Variants in PARN observed in about 807,000 individuals in gnomAD.
The protein encoded by PARN is poly(A)-specific ribonuclease PARN.
In PARN, 71 loss-of-function variants were observed where a neutral mutation model predicts 102.8. The ratio of observed to expected loss-of-function variants is 0.69; its 90% CI spans 0.57 to 0.84. The LOEUF (loss-of-function observed/expected upper bound fraction) is 0.84, where lower values mean the gene tolerates loss of function less well. PARN is among the 40% of genes least tolerant of loss of function. The pLI is 0.00. For missense variants in PARN, 782 were observed against 760.9 expected (o/e 1.03, Z -0.33); for synonymous variants, 261 against 252.9 (o/e 1.03, Z -0.30).
chr16:14,551,573 C>T (rs924966551), intron 21 of PARN, among the ~76,000 whole-genome samples: 2 of 151,940 alleles, frequency 1.3e-5, no homozygotes, highest in African/African-American at 4.8e-5. Flanking sequence ...TGTCTCAAAA[C>T]AACAACAACA....
In PARN at chr16:14,515,408, G is replaced by A. The variant is rs147924247; in HGVS notation, c.1481-32581C>T. Among the ~76,000 whole-genome samples, 6 of 152,278 alleles carry A rather than the reference G, an allele frequency of 3.9e-5. No homozygotes were observed. The East Asian group carries it at 1.2e-3, about 29-fold the overall frequency. On this transcript the variant is annotated intron_variant, in intron 21 of 23. Transcript: ENST00000437198. ...AACTGACCTTAAACATATGTAGATG[G>A]AAATATTTTATTGTCAATTTAATGT...
intron 6 of PARN, among the ~76,000 whole-genome samples, chr16:14,615,659 A>T: frequency 6.6e-6 from 1 of 152,088 alleles, no homozygotes; most frequent in Non-Finnish European, 1.5e-5. Context: ...CCAGCACTTT[A>T]AGAGGCAAAG....
chr16:14,507,589 T>A (rs1274907023), intron 21 of PARN, among the ~76,000 whole-genome samples: 4 of 151,758 alleles, frequency 2.6e-5, no homozygotes, highest in African/African-American at 9.7e-5. Context: ...CTCGGGAGGC[T>A]GAGGCGCAAG....
At chr16:14,498,673 T>C (rs1964439604) in intron 21 of PARN, among the ~76,000 whole-genome samples, 1 of 152,100 alleles carries the variant, frequency 6.6e-6, no homozygotes, top group Admixed American at 6.5e-5. Flanking sequence ...GTGCTTCCCA[T>C]CCTCTGTGGA....
chr16:14,446,780 G>A (rs1363181194), intron 23 of PARN, 108 bp downstream of exon 23: 1 of 711,496 alleles, frequency 1.4e-6, no homozygotes, highest in Non-Finnish European at 2.3e-6. Context: ...GACTACATGG[G>A]CTTTGCCACC....
intron 18 of PARN, among the ~76,000 whole-genome samples, chr16:14,556,641 G>GA (rs1229994312): frequency 6.6e-6 from 1 of 152,128 alleles, no homozygotes; most frequent in Non-Finnish European, 1.5e-5. Flanking sequence ...AGAGTCAAGG[G>GA]AAAGTCCTCC....
intron 21 of PARN, among the ~76,000 whole-genome samples, chr16:14,505,848 A>C (rs1964868014): frequency 6.6e-6 from 1 of 152,242 alleles, no homozygotes; most frequent in Non-Finnish European, 1.5e-5. Context: ...AGAGGTCACA[A>C]AATTTTAAAA....
chr16:14,562,455 A>G (rs1374370978), intron 18 of PARN, among the ~76,000 whole-genome samples: 1 of 149,784 alleles, frequency 6.7e-6, no homozygotes, highest in African/African-American at 2.4e-5. Flanking sequence ...AAAAAAAACT[A>G]TGAATAAAAA....
intron 5 of PARN, among the ~76,000 whole-genome samples, chr16:14,625,871 T>C (rs891775836): frequency 6.6e-6 from 1 of 152,158 alleles, no homozygotes; most frequent in African/African-American, 2.4e-5. Flanking sequence ...GGATGCAAGA[T>C]TTTAAGGGAG....
chr16:14,585,645 G>C (rs1033067066), intron 14 of PARN, among the ~76,000 whole-genome samples: 75 of 152,150 alleles, frequency 4.9e-4, no homozygotes, highest in African/African-American at 1.8e-3. Flanking sequence ...TCTCTAGCCA[G>C]ATGGACAGTT....
chr16:14,546,752 A>G (rs1312722407), intron 21 of PARN, among the ~76,000 whole-genome samples: 4 of 152,218 alleles, frequency 2.6e-5, no homozygotes, highest in Non-Finnish European at 5.9e-5. Context: ...TAATAAAACT[A>G]CATTAGAAAT....
At chr16:14,447,932 T>C (rs1961271150) in intron 22 of PARN, among the ~76,000 whole-genome samples, 1 of 145,650 alleles carries the variant, frequency 6.9e-6, no homozygotes, top group Non-Finnish European at 1.5e-5. Flanking sequence ...TGGGTACTTT[T>C]AAATTTTATC....
intron 21 of PARN, among the ~76,000 whole-genome samples, chr16:14,544,608 G>A (rs1052964124): frequency 3.4e-4 from 52 of 151,932 alleles, no homozygotes; most frequent in African/African-American, 1.2e-3. Context: ...AATATACCAG[G>A]CAAATATAAA....
At chr16:14,558,891 T>G (rs926288940) in intron 18 of PARN, among the ~76,000 whole-genome samples, 1 of 152,122 alleles carries the variant, frequency 6.6e-6, no homozygotes, top group African/African-American at 2.4e-5. Flanking sequence ...TTTTTAAACT[T>G]TAAAGGCTAC....
intron 3 of PARN, among the ~76,000 whole-genome samples, chr16:14,627,887 T>C (rs1321126802): frequency 1.3e-5 from 2 of 152,196 alleles, no homozygotes; most frequent in Non-Finnish European, 2.9e-5. Flanking sequence ...CTTGCGCCTG[T>C]AGTCCCAACT....
rs1409058946 is a variant in PARN at position 14,612,956 on chromosome 16, T to C, written c.389-2147A>G. The stretch of plus-strand genomic sequence containing the variant: ...ATTAAAAGCTGCAGTTACAAGCCTA[T>C]AGCTCAAGAGAAAGGTGTTGAGATA... On this transcript the variant is annotated intron_variant, in intron 6 of 23. Transcript: ENST00000437198. Among the ~76,000 whole-genome samples the C allele has an allele frequency of 9.3e-5, 14 of 150,268 alleles. 1 individual carries two copies. The South Asian group carries it at 2.0e-3, about 21-fold the overall frequency.
At chr16:14,441,559 C>G (rs996355181) in intron 23 of PARN, among the ~76,000 whole-genome samples, 1 of 152,208 alleles carries the variant, frequency 6.6e-6, no homozygotes, top group Non-Finnish European at 1.5e-5. Context: ...GAAGGGGGTA[C>G]GCCCTGGGGC....
intron 12 of PARN, among the ~76,000 whole-genome samples, chr16:14,598,433 C>T (rs1051411481): frequency 4.6e-5 from 7 of 152,118 alleles, no homozygotes; most frequent in East Asian, 1.9e-4. Context: ...ACTATCATGA[C>T]GGCTACAAAA....
intron 19 of PARN, among the ~76,000 whole-genome samples, chr16:14,554,735 C>T (rs914444647): frequency 2.6e-5 from 4 of 151,882 alleles, no homozygotes; most frequent in African/African-American, 7.3e-5. Flanking sequence ...TGAACCACCA[C>T]ACCCAACTGT....
Sources: gnomAD v4.1 joint callset for allele counts (sites outside exome capture counted in the v4.1 genomes callset) on GRCh38, gnomAD v4.1.1 for gene constraint, MANE v1.5 for transcripts, NCBI Gene and HGNC (gene_info 2026-07-23, HGNC 2026-07-21) for gene names.